UNC5D: variants seen among roughly 807,000 people sequenced by gnomAD.
The protein encoded by UNC5D is netrin receptor UNC5D.
A neutral mutation model predicts 105.4 loss-of-function variants in UNC5D; 39 were observed. The ratio of observed to expected loss-of-function variants is 0.37; its 90% CI spans 0.29 to 0.48. The LOEUF (loss-of-function observed/expected upper bound fraction) is 0.48, where lower values mean the gene tolerates loss of function less well. Among genes scored for constraint, UNC5D ranks in the 20% least tolerant of loss-of-function variants. UNC5D has a pLI of 0.98. For synonymous variants in UNC5D, 452 were observed against 450.4 expected, an observed-to-expected ratio of 1.00 and a Z score of -0.04; for missense variants, 991 against 1,202.4, an observed-to-expected ratio of 0.82 and a Z score of 2.60.
chr8:35,613,997 TTGTC>T (rs1820859179), intron 4 of UNC5D, among the ~76,000 whole-genome samples: 2 of 152,228 alleles, frequency 1.3e-5, no homozygotes, highest in African/African-American at 4.8e-5. Context: ...TAATCTTTCT[TTGTC>T]TGTAGAATAA....
intron 1 of UNC5D, among the ~76,000 whole-genome samples, chr8:35,463,776 G>A (rs952147949): frequency 6.1e-5 from 9 of 148,470 alleles, no homozygotes; most frequent in Non-Finnish European, 8.9e-5. Flanking sequence ...GGGCAACAGA[G>A]CAATAACCTG....
chr8:35,623,136 G>A (rs1821461206), intron 4 of UNC5D, among the ~76,000 whole-genome samples: 1 of 152,114 alleles, frequency 6.6e-6, no homozygotes, highest in African/African-American at 2.4e-5. Context: ...CTGCCTCTCT[G>A]TCTCTCGGAT....
intron 1 of UNC5D, among the ~76,000 whole-genome samples, chr8:35,490,830 T>C (rs1023777557): frequency 6.6e-6 from 1 of 152,198 alleles, no homozygotes; most frequent in Non-Finnish European, 1.5e-5. Flanking sequence ...CAGGTTGTCA[T>C]CTAATTTGAC....
At position 35,791,927 on chromosome 8, in the gene UNC5D, C is replaced by G. The variant is rs1028075450; in HGVS notation, c.*1364C>G. On this transcript the variant is annotated 3_prime_UTR_variant, in exon 17 of 17. Coordinates refer to ENST00000404895, the MANE Select transcript of UNC5D (RefSeq NM_080872.4). Reference sequence around the variant, plus strand: ...TATCACTTTACTCCATCTTTTTATCCTATTAAATTATTTTTGACAAGATGT... The same window carrying G: ...TATCACTTTACTCCATCTTTTTATCGTATTAAATTATTTTTGACAAGATGT... 6.6e-6 allele frequency: 1 copy of G among 151,960 alleles called. No homozygotes were observed. Among genetic ancestry groups the G allele is most frequent in the African/African-American group, 2.4e-5 (1 of 41,360 alleles). The allele number at this position is 151,960 out of a possible 1,614,324, so 9.4% of individuals were successfully genotyped here.
chr8:35,671,277 AT>A (rs1476195150), intron 4 of UNC5D, among the ~76,000 whole-genome samples: 1 of 152,184 alleles, frequency 6.6e-6, no homozygotes, highest in Non-Finnish European at 1.5e-5. Context: ...ATTAAATGGA[AT>A]TGCATTTTCA....
Position 35,789,212 on chromosome 8 carries a change from C to T in UNC5D, c.2658-1147C>T, listed in dbSNP as rs1222787666. 2.9e-5 allele frequency among the ~76,000 whole-genome samples: 3 copies of T among 102,178 alleles called. 1 individual carries two copies. The highest frequency in any genetic ancestry group is 1.0e-4 in the African/African-American group (3 of 30,048). 67.0% of individuals were successfully genotyped at this position (102,178 alleles called of 152,430 possible). A position where few individuals can be genotyped will look rare whatever the true frequency, so the allele number is the denominator to read the frequency against. ...ATGAGATAGGGATATCCATATCTAG[C>T]TATGGATATTTATATCAATATCCAT... On this transcript the variant is annotated intron_variant, in intron 16 of 16. Transcript: ENST00000404895.
chr8:35,415,948 G>T (rs1805502585), intron 1 of UNC5D, among the ~76,000 whole-genome samples: 1 of 152,120 alleles, frequency 6.6e-6, no homozygotes, highest in Non-Finnish European at 1.5e-5. Flanking sequence ...AAACTGTAAA[G>T]TGCTGAGCAA....
chr8:35,266,831 A>G (rs1250698960), intron 1 of UNC5D, among the ~76,000 whole-genome samples: 3 of 152,158 alleles, frequency 2.0e-5, no homozygotes, highest in South Asian at 4.1e-4. Flanking sequence ...CTTTTTGTAT[A>G]GTTTAGCTTT....
chr8:35,724,232 GTTTTAT>G (rs1426091659), intron 9 of UNC5D: 4 of 1,529,190 alleles, frequency 2.6e-6, no homozygotes, highest in South Asian at 1.2e-5. Context: ...TGACCATTTT[GTTTTAT>G]TTTTATTTTT....
intron 6 of UNC5D, among the ~76,000 whole-genome samples, chr8:35,685,448 G>C (rs1467346120): frequency 1.3e-5 from 2 of 151,892 alleles, no homozygotes; most frequent in Non-Finnish European, 2.9e-5. Context: ...ATTGACCCTG[G>C]GTCTCACATG....
At chr8:35,243,694 G>A (rs572498565) in intron 1 of UNC5D, among the ~76,000 whole-genome samples, 1 of 152,248 alleles carries the variant, frequency 6.6e-6, no homozygotes, top group East Asian at 1.9e-4. Context: ...GTCCATATGG[G>A]GTAGTGATGT....
At chr8:35,411,516 C>A (rs190912704) in intron 1 of UNC5D, among the ~76,000 whole-genome samples, 1 of 152,000 alleles carries the variant, frequency 6.6e-6, no homozygotes, top group East Asian at 1.9e-4. Flanking sequence ...GAACAGTGCT[C>A]ACACATAGTA....
rs574198822 is a variant in UNC5D, at chr8:35,525,711, C to T, written c.104-23581C>T. The T allele has an allele frequency of 5.6e-5, 90 of 1,594,518 alleles. No homozygotes were observed. In the African/African-American group the frequency reaches 6.9e-4, roughly 12 times the overall value. On this transcript the variant is annotated intron_variant, in intron 1 of 16. Coordinates refer to ENST00000404895, the MANE Select transcript of UNC5D (RefSeq NM_080872.4). ...CTGCAGCCGCTGCTCCTGGCACGTC[C>T]GGCACGACACCTGGCTCCCAACGCT... is the stretch of plus-strand genomic sequence containing the variant.
At chr8:35,647,838 GT>G (rs1160103172) in intron 4 of UNC5D, among the ~76,000 whole-genome samples, 1 of 152,132 alleles carries the variant, frequency 6.6e-6, no homozygotes, top group Non-Finnish European at 1.5e-5. Flanking sequence ...CATAAGCATG[GT>G]AGAAAGCAAG....
intron 1 of UNC5D, among the ~76,000 whole-genome samples, chr8:35,265,389 GAGTTCTCT>G (rs1464927635): frequency 3.3e-5 from 5 of 152,062 alleles, no homozygotes; most frequent in African/African-American, 1.2e-4. Flanking sequence ...TTCAGCTCAT[GAGTTCTCT>G]ATTACCAGCA....
chr8:35,737,099 G>A (rs1290155964), intron 11 of UNC5D, among the ~76,000 whole-genome samples: 4 of 152,030 alleles, frequency 2.6e-5, no homozygotes, highest in East Asian at 1.9e-4. Flanking sequence ...CTCCTCAAAA[G>A]CATCTCAATT....
At chr8:35,606,149 G>A (rs548763871) in intron 4 of UNC5D, among the ~76,000 whole-genome samples, 74 of 151,826 alleles carry the variant, frequency 4.9e-4, no homozygotes, top group East Asian at 9.7e-4. Flanking sequence ...CACCATGCCT[G>A]GCTAATTTTT....
chr8:35,701,755 A>C (rs956919294), intron 7 of UNC5D, among the ~76,000 whole-genome samples: 6 of 151,986 alleles, frequency 3.9e-5, no homozygotes, highest in Non-Finnish European at 8.8e-5. Flanking sequence ...TATAGGTAAA[A>C]ATGATAAATC....
intron 1 of UNC5D, among the ~76,000 whole-genome samples, chr8:35,247,389 G>C (rs1268334892): frequency 6.8e-6 from 1 of 147,582 alleles, no homozygotes; most frequent in Non-Finnish European, 1.5e-5. Context: ...TTCGTTTTGT[G>C]TTTGGGTGAA....
Sources: allele counts gnomAD v4.1 joint callset (sites outside exome capture counted in the v4.1 genomes callset), GRCh38; gene constraint gnomAD v4.1.1; transcripts MANE v1.5; gene names NCBI Gene and HGNC (gene_info 2026-07-23, HGNC 2026-07-21).